GALNS: variants seen among roughly 807,000 people sequenced by gnomAD.
The protein encoded by GALNS is galactosamine (N-acetyl)-6-sulfatase.
Under a neutral mutation model 65.9 loss-of-function variants are expected in GALNS, and 65 were observed. The observed-to-expected ratio is 0.99, with a 90% confidence interval of 0.81 to 1.21. The LOEUF (loss-of-function observed/expected upper bound fraction) is 1.21. GALNS is among the 50% of genes most tolerant of loss of function. GALNS has a pLI of 0.00. For missense variants in GALNS, 776 were observed against 700.7 expected, an observed-to-expected ratio of 1.11 and a Z score of -1.21; for synonymous variants, 346 against 288.9, an observed-to-expected ratio of 1.20 and a Z score of -2.00.
chr16:88,856,866 A>C lies in GALNS; in HGVS notation c.12T>G (p.Val4=). 1.3e-6 allele frequency: 2 copies of C among 1,508,796 alleles called. No individual in the cohort carries two copies. The highest frequency in any genetic ancestry group is 1.8e-6 in the Non-Finnish European group (2 of 1,137,380). 93.5% of individuals were successfully genotyped at this position (1,508,796 alleles called of 1,614,324 possible). MAA[V]VAATRWWQLL... is the part of the protein sequence containing the mutation. ...GCTGCCACCACCTCGTCGCCGCGACAACCGCCGCCATGGCAACCACGGGAG... is the reference window on the plus strand; with the variant it reads ...GCTGCCACCACCTCGTCGCCGCGACCACCGCCGCCATGGCAACCACGGGAG... Residue 4 remains valine, a synonymous_variant, in exon 1 of 14, where the codon GTT becomes GTG. Coordinates refer to ENST00000268695, the MANE Select transcript of GALNS (RefSeq NM_000512.5).
intron 10 of GALNS, 56 bp downstream of exon 10, chr16:88,826,646 C>T: frequency 6.3e-7 from 1 of 1,591,304 alleles, no homozygotes; most frequent in Non-Finnish European, 8.6e-7. Context: ...TGATTAGCAG[C>T]TCTGGGCTTC....
chr16:88,822,504 A>C (rs566930182), intron 12 of GALNS, 85 bp downstream of exon 12: 1 of 1,564,094 alleles, frequency 6.4e-7, no homozygotes, highest in East Asian at 2.3e-5. Flanking sequence ...GGCAGGGTGC[A>C]GAGGGCTCTG....
At chr16:88,829,771 G>A (rs972380839) in intron 9 of GALNS, among the ~76,000 whole-genome samples, 1 of 152,216 alleles carries the variant, frequency 6.6e-6, no homozygotes, top group Non-Finnish European at 1.5e-5. Context: ...GTGGGGAAGA[G>A]GAGGATCTGG....
At chr16:88,820,806 G>T (rs1249616355) in intron 12 of GALNS, among the ~76,000 whole-genome samples, 1 of 152,238 alleles carries the variant, frequency 6.6e-6, no homozygotes, top group African/African-American at 2.4e-5. Context: ...CGCCATCCAG[G>T]CTTTAACCTC....
chr16:88,816,658 G>A (rs578012355), intron 13 of GALNS: 6 of 985,412 alleles, frequency 6.1e-6, no homozygotes, highest in East Asian at 2.3e-4. Context: ...CCGATGGCCG[G>A]TGCTCTCCTG....
intron 12 of GALNS, among the ~76,000 whole-genome samples, chr16:88,821,683 C>T (rs1288155503): frequency 1.3e-5 from 2 of 152,186 alleles, no homozygotes; most frequent in Admixed American, 6.5e-5. Context: ...GTGCTGCCAC[C>T]CTCGGTCCTG....
chr16:88,814,686 C>T (rs757977520), intron 13 of GALNS, 161 bp from the exon 14 acceptor site: 20 of 674,574 alleles, frequency 3.0e-5, no homozygotes, highest in African/African-American at 1.4e-4. Flanking sequence ...CTCTGCCTTC[C>T]GGGTTCAAGA....
chr16:88,833,558 T>G (rs994812949), intron 8 of GALNS, among the ~76,000 whole-genome samples: 15 of 151,754 alleles, frequency 9.9e-5, no homozygotes, highest in Non-Finnish European at 1.9e-4. Context: ...TTCAAGTCAT[T>G]CTCTTGACTT....
chr16:88,854,232 T>C (rs932729974), intron 1 of GALNS, among the ~76,000 whole-genome samples: 1 of 152,214 alleles, frequency 6.6e-6, no homozygotes, highest in Non-Finnish European at 1.5e-5. Flanking sequence ...GAATGACCTG[T>C]TGCAGGTTCA....
At chr16:88,834,765 T>TG (rs1402776429) in intron 8 of GALNS, among the ~76,000 whole-genome samples, 1 of 151,980 alleles carries the variant, frequency 6.6e-6, no homozygotes, top group Non-Finnish European at 1.5e-5. Flanking sequence ...AGGGCTGTGG[T>TG]GGGGGCAGGA....
At chr16:88,845,841 A>G (rs186785904) in intron 1 of GALNS, among the ~76,000 whole-genome samples, 1,716 of 150,630 alleles carry the variant, frequency 0.011, 26 homozygotes, top group East Asian at 0.047. Context: ...AAAAAAAAAA[A>G]GCCAAGTGTG....
rs1910284848 is a variant in GALNS at position 88,822,079 on chromosome 16, G to A, written c.1364+510C>T. 3.3e-5 allele frequency among the ~76,000 whole-genome samples: 5 copies of A among 152,206 alleles called. No homozygotes were observed. In the South Asian group the frequency reaches 1.0e-3, roughly 32 times the overall value. ...TAAGGAGCTGCCAGCAGGTGAGTCT[G>A]GTACTGGCGACCATGACCCTCAAGA... On this transcript the variant is annotated intron_variant, in intron 12 of 13. Coordinates refer to ENST00000268695, the MANE Select transcript of GALNS (RefSeq NM_000512.5).
At chr16:88,820,600 C>T (rs1012255626) in intron 12 of GALNS, among the ~76,000 whole-genome samples, 5 of 152,244 alleles carry the variant, frequency 3.3e-5, no homozygotes, top group Non-Finnish European at 5.9e-5. Context: ...GAAGCTCTGC[C>T]TGCTGCCTGG....
rs116608677 is a variant in GALNS at position 88,835,437 on chromosome 16, G to A, written c.759-85C>T. 6.9e-4 allele frequency: 1,075 copies of A among 1,547,030 alleles called. 9 individuals carry two copies. The African/African-American group carries it at 0.012, about 17-fold the overall frequency. Reference sequence around the variant, plus strand: ...CAGCCAACGGCATACTGTGATTCACGGAGTTCATTAAATCATAACTTCACA... The same window carrying A: ...CAGCCAACGGCATACTGTGATTCACAGAGTTCATTAAATCATAACTTCACA... On this transcript the variant is annotated intron_variant, in intron 7 of 13. Transcript: ENST00000268695.
intron 9 of GALNS, among the ~76,000 whole-genome samples, chr16:88,829,651 G>C (rs1013283646): frequency 6.6e-6 from 1 of 152,242 alleles, no homozygotes; most frequent in Non-Finnish European, 1.5e-5. Context: ...TGGTGGGCAG[G>C]AGTGCAGGAT....
At chr16:88,835,994 C>A in intron 6 of GALNS, 145 bp from the exon 7 acceptor site, 1 of 1,368,124 alleles carries the variant, frequency 7.3e-7, no homozygotes, top group Non-Finnish European at 1.0e-6. Flanking sequence ...TGGTGCGGTC[C>A]CCGTCCCCAC....
At chr16:88,842,685 G>A (rs1028949019) in intron 2 of GALNS, 21 bp downstream of exon 2, 1 of 1,611,438 alleles carries the variant, frequency 6.2e-7, no homozygotes, top group Non-Finnish European at 8.5e-7. Context: ...CTTCCTGGGG[G>A]CGAGGGCCCC....
chr16:88,813,787 T>C lies in GALNS; in HGVS notation c.*652A>G, dbSNP rs1135366. The C allele has an allele frequency of 0.24, 36,301 of 153,406 alleles. 4,751 individuals are homozygous for C. Among genetic ancestry groups the C allele is most frequent in the East Asian group, 0.53 (2,758 of 5,188 alleles). 9.5% of individuals were successfully genotyped at this position (153,406 alleles called of 1,614,324 possible). A position where few individuals can be genotyped will look rare whatever the true frequency, so the allele number is the denominator to read the frequency against. On this transcript the variant is annotated 3_prime_UTR_variant, in exon 14 of 14. Transcript: ENST00000268695. ...CCCGTTTTATTTCTAAATAACATAGTTACAATGATAAGAAGCTACACGCCT... is the reference window on the plus strand; with the variant it reads ...CCCGTTTTATTTCTAAATAACATAGCTACAATGATAAGAAGCTACACGCCT...
At chr16:88,824,061 G>C (rs1456929315) in intron 11 of GALNS, among the ~76,000 whole-genome samples, 2 of 152,148 alleles carry the variant, frequency 1.3e-5, no homozygotes, top group African/African-American at 4.8e-5. Context: ...CTCACTTCCA[G>C]TCTTTAGACT....
Sources: allele counts gnomAD v4.1 joint callset (sites outside exome capture counted in the v4.1 genomes callset), GRCh38; gene constraint gnomAD v4.1.1; transcripts MANE v1.5; gene names NCBI Gene and HGNC (gene_info 2026-07-23, HGNC 2026-07-21).